MET: variants seen among roughly 807,000 people sequenced by gnomAD.
MET encodes MET proto-oncogene, receptor tyrosine kinase, also known as hepatocyte growth factor receptor.
Under a neutral mutation model 133.1 loss-of-function variants are expected in MET, and 48 were observed. The ratio of observed to expected loss-of-function variants is 0.36; its 90% CI spans 0.29 to 0.46. The LOEUF (loss-of-function observed/expected upper bound fraction) is 0.46, where lower values mean the gene tolerates loss of function less well. Among genes scored for constraint, MET ranks in the 20% least tolerant of loss-of-function variants. The probability of loss-of-function intolerance (pLI) is 1.00; values close to 1 mark genes in which losing one functional copy is unlikely to be tolerated. For missense variants in MET, 1,442 were observed against 1,695.9 expected (o/e 0.85, Z 2.63); for synonymous variants, 628 against 616.5 (o/e 1.02, Z -0.28).
chr7:116,721,121 T>A (rs1792467517), intron 2 of MET, among the ~76,000 whole-genome samples: 1 of 152,188 alleles, frequency 6.6e-6, no homozygotes, highest in East Asian at 1.9e-4. Context: ...GGTCCTGGAC[T>A]CTTTTTGGTT....
At chr7:116,689,304 A>C (rs953451655) in intron 1 of MET, among the ~76,000 whole-genome samples, 8 of 152,332 alleles carry the variant, frequency 5.3e-5, no homozygotes, top group Non-Finnish European at 1.0e-4. Context: ...TATATACCAC[A>C]GAAAGCTTTA....
At chr7:116,757,066 C>CAA (rs757839238) in intron 6 of MET, among the ~76,000 whole-genome samples, 3 of 137,696 alleles carry the variant, frequency 2.2e-5, no homozygotes, top group Admixed American at 7.3e-5. Context: ...CCATCTCTAC[C>CAA]AAAAAAAAAA....
At chr7:116,781,936 A>T (rs1470450401) in intron 17 of MET, 52 bp from the exon 18 acceptor site, 2 of 1,142,354 alleles carry the variant, frequency 1.8e-6, no homozygotes, top group African/African-American at 3.0e-5. Flanking sequence ...TAAGGTCAAA[A>T]TTAGAACAGT....
intron 4 of MET, among the ~76,000 whole-genome samples, chr7:116,740,400 T>A (rs1793397273): frequency 6.6e-6 from 1 of 152,172 alleles, no homozygotes; most frequent in Non-Finnish European, 1.5e-5. Context: ...ATCCTGGAAA[T>A]GTACATTGGA....
At chr7:116,755,325 T>A (rs1236649959) in intron 5 of MET, 30 bp from the exon 6 acceptor site, 5 of 1,612,650 alleles carry the variant, frequency 3.1e-6, no homozygotes, top group Non-Finnish European at 4.2e-6. Context: ...TATATTGGGT[T>A]TTTTTAAAAG....
chr7:116,795,184 C>T (rs1353070074), intron 19 of MET, among the ~76,000 whole-genome samples: 2 of 152,098 alleles, frequency 1.3e-5, no homozygotes, highest in Non-Finnish European at 2.9e-5. Context: ...TTTAGACCTT[C>T]CCATTTAATA....
rs781545528 is a variant in MET, at chr7:116,740,008, A to G, written c.1451A>G (p.His484Arg). 1.5e-5 allele frequency: 24 copies of G among 1,614,034 alleles called. No individual in the cohort carries two copies. The highest frequency in any genetic ancestry group is 2.0e-5 in the Non-Finnish European group (24 of 1,180,006). The change falls in exon 4 of 21, where the codon CAT becomes CGT. Residue 484 changes from histidine (H) to arginine (R), a missense_variant. Coordinates refer to ENST00000397752, the MANE Select transcript of MET (RefSeq NM_000245.4). The stretch of plus-strand genomic sequence containing the variant: ...CATGTGAATTTTCTCCTGGACTCCC[A>G]TCCAGTGTCTCCAGAAGTGATTGTG... Reference protein sequence around the residue: ...TPHVNFLLDSHPVSPEVIVEH... With the variant: ...TPHVNFLLDSRPVSPEVIVEH...
intron 1 of MET, among the ~76,000 whole-genome samples, chr7:116,688,521 T>C (rs147327246): frequency 6.6e-6 from 1 of 152,356 alleles, no homozygotes; most frequent in East Asian, 1.9e-4. Context: ...CAAAAGCCCA[T>C]CTGTCAATCA....
At chr7:116,702,856 G>C (rs767585305) in intron 2 of MET, among the ~76,000 whole-genome samples, 6 of 152,088 alleles carry the variant, frequency 3.9e-5, no homozygotes, top group Non-Finnish European at 5.9e-5. Context: ...TGCAAAAAGT[G>C]TTTCTATCAC....
chr7:116,753,570 G>A (rs1794012326), intron 5 of MET, among the ~76,000 whole-genome samples: 1 of 152,080 alleles, frequency 6.6e-6, no homozygotes, highest in Admixed American at 6.6e-5. Context: ...AACAAAATGA[G>A]TCTGTTATTT....
chr7:116,689,842 G>T (rs1584866299), intron 1 of MET, among the ~76,000 whole-genome samples: 1 of 152,062 alleles, frequency 6.6e-6, no homozygotes, highest in South Asian at 2.1e-4. Flanking sequence ...TTGCTGGCGT[G>T]AGTCACAGTG....
intron 10 of MET, 28 bp downstream of exon 10, chr7:116,759,518 C>T (rs776074043): frequency 2.6e-5 from 42 of 1,604,292 alleles, no homozygotes; most frequent in South Asian, 1.8e-4. Flanking sequence ...TGGTTCTACT[C>T]AGAGCTCTGC....
At chr7:116,673,096 CTGGGGCT>C (rs1407199518) in intron 1 of MET, among the ~76,000 whole-genome samples, 1 of 152,154 alleles carries the variant, frequency 6.6e-6, no homozygotes, top group Non-Finnish European at 1.5e-5. Context: ...TTATCTCTTT[CTGGGGCT>C]TGTGGTGGAC....
chr7:116,758,482 G>A lies in MET; in HGVS notation c.2126G>A (p.Cys709Tyr), dbSNP rs1554395668. The part of the protein sequence containing the change: ...LKSVSNSILE[C>Y]YTPAQTISTE... ...AGTGTGTCAAACAGTATTCTTGAAT[G>A]TTATACCCCAGCCCAAACCATTTCA... Residue 709 changes from cysteine to tyrosine, a missense_variant, in exon 9 of 21, where the codon TGT (cysteine) becomes TAT (tyrosine). Coordinates refer to ENST00000397752, the MANE Select transcript of MET (RefSeq NM_000245.4). 1 of 1,613,670 alleles carries A rather than the reference G, an allele frequency of 6.2e-7. No homozygotes were observed. The highest frequency in any genetic ancestry group is 8.5e-7 in the Non-Finnish European group (1 of 1,179,782).
At chr7:116,706,888 A>ATTTTTTTTTTTTTTTTT (rs35404902) in intron 2 of MET, among the ~76,000 whole-genome samples, 1 of 139,078 alleles carries the variant, frequency 7.2e-6, no homozygotes, top group Non-Finnish European at 1.6e-5. Context: ...CCTTCCCTTG[A>ATTTTTTTTTTTTTTTTT]TTTTTTTTTT....
intron 5 of MET, among the ~76,000 whole-genome samples, chr7:116,742,962 C>G (rs1793521175): frequency 6.6e-6 from 1 of 152,234 alleles, no homozygotes; most frequent in Admixed American, 6.5e-5. Context: ...CGAGTAGGAA[C>G]AGCTCCGGTC....
rs1794306292 is a variant in MET, at chr7:116,759,318, T to C, written c.2265-73T>C. On this transcript the variant is annotated intron_variant, in intron 9 of 20. Coordinates refer to ENST00000397752, the MANE Select transcript of MET (RefSeq NM_000245.4). ...CCTGTAATCAGTGCAGGTGATTAAA[T>C]TGAATCCCTCTCTTACAGTACTTGG... is the stretch of plus-strand genomic sequence containing the variant. The C allele has an allele frequency of 4.5e-6, 7 of 1,565,058 alleles. No individual in the cohort carries two copies. Among genetic ancestry groups the C allele is most frequent in the Non-Finnish European group, 6.1e-6 (7 of 1,152,668 alleles).
intron 1 of MET, among the ~76,000 whole-genome samples, chr7:116,694,697 TA>T (rs1428428504): frequency 4.6e-5 from 7 of 152,200 alleles, no homozygotes; most frequent in Non-Finnish European, 1.0e-4. Flanking sequence ...TTTTTGTTTT[TA>T]TTTTTTTTAG....
At chr7:116,749,193 G>A (rs1793822323) in intron 5 of MET, among the ~76,000 whole-genome samples, 3 of 152,070 alleles carry the variant, frequency 2.0e-5, no homozygotes, top group Non-Finnish European at 4.4e-5. Context: ...GATGAACATC[G>A]ATGTGAACAT....
Sources: allele counts gnomAD v4.1 joint callset (sites outside exome capture counted in the v4.1 genomes callset), GRCh38; gene constraint gnomAD v4.1.1; transcripts MANE v1.5; gene names NCBI Gene and HGNC (gene_info 2026-07-23, HGNC 2026-07-21).